Variants in CERS3 observed in about 807,000 individuals in gnomAD.
CERS3 encodes LAG1 homolog, ceramide synthase 3.
Under a neutral mutation model 50.3 loss-of-function variants are expected in CERS3, and 33 were observed. The observed-to-expected ratio is 0.66, with a 90% CI of 0.50 to 0.88. The LOEUF is 0.88. CERS3 is among the 40% of genes least tolerant of loss of function. The probability of loss-of-function intolerance (pLI) is 0.00; values close to 1 mark genes in which losing one functional copy is unlikely to be tolerated. For synonymous variants in CERS3, 176 were observed against 155.2 expected (o/e 1.13, Z -0.99); for missense variants, 470 against 460.3 (o/e 1.02, Z -0.19).
At chr15:100,440,595 C>T (rs2654597) in intron 11 of CERS3, among the ~76,000 whole-genome samples, 45,763 of 152,124 alleles carry the variant, frequency 0.3, 7,104 homozygotes, top group East Asian at 0.41. Context: ...TCTCTTCACA[C>T]GGACGTGCGT....
intron 11 of CERS3, among the ~76,000 whole-genome samples, chr15:100,418,981 C>A (rs975939032): frequency 6.6e-6 from 1 of 151,342 alleles, no homozygotes; most frequent in Non-Finnish European, 1.5e-5. Context: ...AAAATCGTGC[C>A]AAATTGTAAA....
At chr15:100,450,490 G>GAA (rs1186385550) in intron 11 of CERS3, among the ~76,000 whole-genome samples, 2 of 148,946 alleles carry the variant, frequency 1.3e-5, no homozygotes, top group African/African-American at 4.9e-5. Flanking sequence ...CAGGTCTTTT[G>GAA]AAAGAACTCC....
chr15:100,504,394 C>T (rs528225904), intron 2 of CERS3, among the ~76,000 whole-genome samples: 2 of 152,120 alleles, frequency 1.3e-5, no homozygotes, highest in African/African-American at 2.4e-5. Context: ...CAGACATATG[C>T]CACCATGGCC....
At chr15:100,457,737 A>G (rs2038758202) in intron 10 of CERS3, among the ~76,000 whole-genome samples, 1 of 152,238 alleles carries the variant, frequency 6.6e-6, no homozygotes, top group Non-Finnish European at 1.5e-5. Flanking sequence ...TTTATAATAA[A>G]CTGAAAAACT....
chr15:100,498,129 C>T (rs1201982908), intron 3 of CERS3, among the ~76,000 whole-genome samples: 3 of 152,016 alleles, frequency 2.0e-5, no homozygotes, highest in Non-Finnish European at 4.4e-5. Flanking sequence ...CGCCTGATCT[C>T]GTGATCTGCC....
intron 2 of CERS3, among the ~76,000 whole-genome samples, chr15:100,510,045 T>C (rs910791660): frequency 1.3e-5 from 2 of 151,268 alleles, no homozygotes; most frequent in Non-Finnish European, 2.9e-5. Flanking sequence ...AAAAATAGTA[T>C]GTCTTTAAGA....
intron 11 of CERS3, among the ~76,000 whole-genome samples, chr15:100,431,565 G>A (rs558870643): frequency 2.0e-5 from 3 of 152,200 alleles, no homozygotes; most frequent in East Asian, 3.9e-4. Context: ...ACAAATGTAG[G>A]GAAGAGTATA....
chr15:100,492,785 C>T (rs1198777191), intron 3 of CERS3, among the ~76,000 whole-genome samples: 1 of 151,992 alleles, frequency 6.6e-6, no homozygotes, highest in African/African-American at 2.4e-5. Flanking sequence ...TCCATCACTA[C>T]CTTATTTTGT....
intron 11 of CERS3, among the ~76,000 whole-genome samples, chr15:100,414,540 T>C (rs1417122265): frequency 6.6e-6 from 1 of 152,028 alleles, no homozygotes; most frequent in African/African-American, 2.4e-5. Flanking sequence ...ACTACAAGGC[T>C]ACAAAAACCA....
intron 11 of CERS3, 135 bp downstream of exon 11, chr15:100,455,758 T>C: frequency 1.6e-6 from 1 of 617,370 alleles, no homozygotes; most frequent in Non-Finnish European, 2.4e-6. Flanking sequence ...TTTCCAAAAT[T>C]TTAATCAAAA....
At chr15:100,409,156 C>T (rs1159475546) in intron 11 of CERS3, among the ~76,000 whole-genome samples, 1 of 152,150 alleles carries the variant, frequency 6.6e-6, no homozygotes, top group Non-Finnish European at 1.5e-5. Context: ...AGCCAAGTGC[C>T]CCGTCTCGCT....
chr15:100,473,395 G>T (rs1372796480), intron 8 of CERS3, among the ~76,000 whole-genome samples: 1 of 151,932 alleles, frequency 6.6e-6, no homozygotes, highest in Admixed American at 6.6e-5. Flanking sequence ...AGAAAAAAAA[G>T]ATTGATATAA....
At chr15:100,442,892 TC>T (rs1404075879) in intron 11 of CERS3, among the ~76,000 whole-genome samples, 4 of 151,790 alleles carry the variant, frequency 2.6e-5, no homozygotes, top group African/African-American at 7.2e-5. Flanking sequence ...CACATTACCT[TC>T]TTTACAAAGG....
intron 2 of CERS3, among the ~76,000 whole-genome samples, chr15:100,517,622 G>T (rs895322042): frequency 1.3e-5 from 2 of 152,074 alleles, no homozygotes; most frequent in African/African-American, 4.8e-5. Context: ...AAAGGATTTG[G>T]GGTTACTAAG....
chr15:100,467,834 C>T lies in CERS3; in HGVS notation c.845+1544G>A, dbSNP rs1355191360. Among the ~76,000 whole-genome samples, 56 of 19,990 alleles carry T rather than the reference C, an allele frequency of 2.8e-3. No homozygotes were observed. The South Asian group carries it at 0.032, about 11-fold the overall frequency. 13.1% of individuals were successfully genotyped at this position (19,990 alleles called of 152,430 possible). A position where few individuals can be genotyped will look rare whatever the true frequency, so the allele number is the denominator to read the frequency against. Reference sequence around the variant, plus strand: ...GTCTATATATATGTGTATATATATACGTGTATATATATATATATAGATAGA... The same window carrying T: ...GTCTATATATATGTGTATATATATATGTGTATATATATATATATAGATAGA... On this transcript the variant is annotated intron_variant, in intron 10 of 11. Coordinates refer to ENST00000679737, the MANE Select transcript of CERS3 (RefSeq NM_001378789.1).
At chr15:100,447,116 C>G (rs537405121) in intron 11 of CERS3, among the ~76,000 whole-genome samples, 2 of 152,190 alleles carry the variant, frequency 1.3e-5, no homozygotes, top group Non-Finnish European at 2.9e-5. Flanking sequence ...CTTTCTGGAT[C>G]TTTCCTCTGA....
chr15:100,403,726 A>G (rs1384757247), intron 11 of CERS3, among the ~76,000 whole-genome samples: 1 of 152,250 alleles, frequency 6.6e-6, no homozygotes, highest in Non-Finnish European at 1.5e-5. Flanking sequence ...TCATATAACT[A>G]TGAAGGACAT....
chr15:100,473,012 C>A lies in CERS3; in HGVS notation c.650G>T (p.Ser217Ile). 7 of 1,613,810 alleles carry A rather than the reference C, an allele frequency of 4.3e-6. No homozygotes were observed. Among genetic ancestry groups the A allele is most frequent in the Non-Finnish European group, 5.1e-6 (6 of 1,179,904 alleles). The change falls in exon 9 of 12, where the codon AGT (serine) becomes ATT (isoleucine). Residue 217 changes from serine to isoleucine, a missense_variant. Ser to Ile is a moderately radical substitution (Grantham distance 142). Coordinates refer to ENST00000679737, the MANE Select transcript of CERS3 (RefSeq NM_001378789.1). ...AHIIHHLAAI[S>I]LMSFSWCANY... The stretch of plus-strand genomic sequence containing the variant: ...AGCACACCAAGAGAAGCTCATCAGA[C>A]TAATAGCAGCCAGGTGGTGGATGAT...
At chr15:100,462,261 T>C (rs1262602282) in intron 10 of CERS3, among the ~76,000 whole-genome samples, 1 of 152,242 alleles carries the variant, frequency 6.6e-6, no homozygotes, top group Non-Finnish European at 1.5e-5. Context: ...TTTTTCTGTT[T>C]TCAGTTTTGT....
Sources: allele counts gnomAD v4.1 joint callset (sites outside exome capture counted in the v4.1 genomes callset), GRCh38; gene constraint gnomAD v4.1.1; transcripts MANE v1.5; gene names NCBI Gene and HGNC (gene_info 2026-07-23, HGNC 2026-07-21).